Variants in OGDH observed in about 807,000 individuals in gnomAD.
OGDH encodes the protein 2-oxoglutarate dehydrogenase complex component E1.
In OGDH, 38 loss-of-function variants were observed where a neutral mutation model predicts 116.6. The observed-to-expected ratio is 0.33, with a 90% confidence interval of 0.25 to 0.43. The LOEUF (loss-of-function observed/expected upper bound fraction) is 0.43, where lower values mean the gene tolerates loss of function less well. Among genes scored for constraint, OGDH ranks in the 20% least tolerant of loss-of-function variants. The pLI is 1.00. For missense variants in OGDH, 825 were observed against 1,357.2 expected, an observed-to-expected ratio of 0.61 and a Z score of 6.16; for synonymous variants, 488 against 533.3, an observed-to-expected ratio of 0.92 and a Z score of 1.17.
chr7:44,659,789 A>G (rs1036813456), intron 4 of OGDH, among the ~76,000 whole-genome samples: 11 of 152,208 alleles, frequency 7.2e-5, no homozygotes, highest in Non-Finnish European at 4.4e-5. Flanking sequence ...ATCCTGTTTC[A>G]TTCCTGATAT....
At chr7:44,666,525 T>C (rs1204130035) in intron 4 of OGDH, 3 of 333,708 alleles carry the variant, frequency 9.0e-6, no homozygotes, top group Non-Finnish European at 1.6e-5. Context: ...TGTCATACTC[T>C]AATAGCCTCA....
chr7:44,644,254 A>G (rs903176366), intron 2 of OGDH, among the ~76,000 whole-genome samples: 21 of 152,238 alleles, frequency 1.4e-4, no homozygotes, highest in South Asian at 4.1e-4. Flanking sequence ...TCTTTTTACA[A>G]TGAACTTTTG....
chr7:44,688,400 G>C (rs982257011), intron 10 of OGDH, among the ~76,000 whole-genome samples: 1 of 150,442 alleles, frequency 6.6e-6, no homozygotes, highest in African/African-American at 2.4e-5. Context: ...TAATGCTGCT[G>C]TGAACATTTA....
intron 18 of OGDH, 111 bp from the exon 19 acceptor site, chr7:44,700,030 T>G (rs2116385278): frequency 1.7e-4 from 200 of 1,168,024 alleles, no homozygotes; most frequent in Non-Finnish European, 2.1e-4. Context: ...CAATTCAACA[T>G]GAGATTTGGG....
At chr7:44,703,694 T>G (rs1436591674) in intron 20 of OGDH, among the ~76,000 whole-genome samples, 2 of 151,932 alleles carry the variant, frequency 1.3e-5, no homozygotes, top group African/African-American at 4.8e-5. Flanking sequence ...CATTCCAGCC[T>G]GGGTGACAGA....
chr7:44,615,977 C>T (rs1369765050), intron 1 of OGDH, among the ~76,000 whole-genome samples: 7 of 149,502 alleles, frequency 4.7e-5, no homozygotes, highest in African/African-American at 1.5e-4. Context: ...TGCAGTGAGC[C>T]GAGATCACAC....
At chr7:44,704,722 T>C (rs958208692) in intron 20 of OGDH, among the ~76,000 whole-genome samples, 1 of 152,152 alleles carries the variant, frequency 6.6e-6, no homozygotes, top group Non-Finnish European at 1.5e-5. Context: ...GTTTTTTGTT[T>C]TTTTCCGAGA....
At chr7:44,684,932 C>A (rs1339549103) in intron 10 of OGDH, among the ~76,000 whole-genome samples, 2 of 152,010 alleles carry the variant, frequency 1.3e-5, no homozygotes, top group Non-Finnish European at 2.9e-5. Context: ...GGATTACAGG[C>A]ACGTGCCACC....
At chr7:44,703,974 C>T (rs1349755238) in intron 20 of OGDH, among the ~76,000 whole-genome samples, 1 of 152,092 alleles carries the variant, frequency 6.6e-6, no homozygotes, top group Non-Finnish European at 1.5e-5. Flanking sequence ...ACTTGGGTTG[C>T]TTCCATGTTT....
chr7:44,623,190 T>C (rs182623818), intron 1 of OGDH, among the ~76,000 whole-genome samples: 1 of 152,312 alleles, frequency 6.6e-6, no homozygotes. Context: ...ATTCTGGCTC[T>C]TCCCGTCTCT....
At chr7:44,650,741 T>C (rs1222063950) in intron 4 of OGDH, among the ~76,000 whole-genome samples, 1 of 152,088 alleles carries the variant, frequency 6.6e-6, no homozygotes, top group African/African-American at 2.4e-5. Context: ...TGGGGGATGT[T>C]TGGGGCCCAG....
chr7:44,609,428 T>G (rs1784480735), intron 1 of OGDH, among the ~76,000 whole-genome samples: 1 of 151,014 alleles, frequency 6.6e-6, no homozygotes, highest in Admixed American at 6.6e-5. Context: ...GAGGATCGCT[T>G]GAGCCTAGGC....
intron 10 of OGDH, among the ~76,000 whole-genome samples, chr7:44,691,981 T>TTAAAAAAAAAAAAAAAAAAA (rs1228471357): frequency 9.7e-6 from 1 of 102,608 alleles, no homozygotes; most frequent in African/African-American, 4.4e-5. Flanking sequence ...GACTCTGTCT[T>TTAAAAAAAAAAAAAAAAAAA]AAAAAAAAAA....
chr7:44,615,184 A>C (rs1295170614), intron 1 of OGDH, among the ~76,000 whole-genome samples: 1 of 152,140 alleles, frequency 6.6e-6, no homozygotes, highest in Non-Finnish European at 1.5e-5. Flanking sequence ...CAACCTGGAC[A>C]TTCTGGGTGT....
At chr7:44,665,891 T>C (rs923469223) in intron 4 of OGDH, among the ~76,000 whole-genome samples, 1 of 152,238 alleles carries the variant, frequency 6.6e-6, no homozygotes, top group African/African-American at 2.4e-5. Flanking sequence ...GAAACAAGCA[T>C]ATAATGCCAC....
At chr7:44,640,706 G>A (rs1411124961) in intron 2 of OGDH, among the ~76,000 whole-genome samples, 1 of 152,028 alleles carries the variant, frequency 6.6e-6, no homozygotes, top group African/African-American at 2.4e-5. Flanking sequence ...ATAAAGTTTG[G>A]GTTGTGCTGT....
At position 44,697,994 on chromosome 7, in the gene OGDH, G is replaced by T. The variant is rs1788659977; in HGVS notation, c.2359-198G>T. On this transcript the variant is annotated intron_variant, in intron 17 of 22. Transcript: ENST00000222673. This position sits in a 1 kb window ranked among gnomAD's most constrained non-coding sequence, Gnocchi z 6.0. The stretch of plus-strand genomic sequence containing the variant: ...AGCATGCCCCGTCCCTGCTGGTGCA[G>T]ACTCCCTAGATGCACAGGCGTCCAA... 2.0e-5 allele frequency among the ~76,000 whole-genome samples: 3 copies of T among 152,212 alleles called. No homozygotes were observed. The highest frequency in any genetic ancestry group is 4.4e-5 in the Non-Finnish European group (3 of 68,048).
intron 10 of OGDH, among the ~76,000 whole-genome samples, chr7:44,689,089 G>A (rs12674292): frequency 4.6e-5 from 7 of 151,812 alleles, no homozygotes; most frequent in African/African-American, 1.7e-4. Context: ...GGGTATATAC[G>A]TAGGAGTAGA....
intron 1 of OGDH, among the ~76,000 whole-genome samples, chr7:44,612,050 A>G (rs1466366831): frequency 6.6e-6 from 1 of 152,146 alleles, no homozygotes; most frequent in African/African-American, 2.4e-5. Context: ...AGGTATATCC[A>G]TTTGGAGTTA....
Sources: gnomAD v4.1 joint callset for allele counts (sites outside exome capture counted in the v4.1 genomes callset) on GRCh38, gnomAD v4.1.1 for gene constraint, Gnocchi (gnomAD v3.1) non-coding constraint, MANE v1.5 for transcripts, NCBI Gene and HGNC (gene_info 2026-07-23, HGNC 2026-07-21) for gene names.